The following UBE2K variants were observed in gnomAD, a reference collection of about 807,000 sequenced individuals.
UBE2K encodes ubiquitin-conjugating enzyme E2 K.
Under a neutral mutation model 30.0 loss-of-function variants are expected in UBE2K, and 6 were observed. The ratio of observed to expected loss-of-function variants is 0.20; its 90% confidence interval spans 0.11 to 0.39. The LOEUF (loss-of-function observed/expected upper bound fraction) is 0.39, where lower values mean the gene tolerates loss of function less well. Ranked by LOEUF, UBE2K falls within the 10% of genes least tolerant of loss-of-function variation. The pLI is 1.00. For missense variants in UBE2K, 61 were observed against 241.6 expected (o/e 0.25, Z 4.96); for synonymous variants, 86 against 83.7 (o/e 1.03, Z -0.15).
chr4:39,704,842 T>G (rs1718241911), intron 1 of UBE2K, among the ~76,000 whole-genome samples: 1 of 150,402 alleles, frequency 6.6e-6, no homozygotes, highest in Non-Finnish European at 1.5e-5. Flanking sequence ...ATGCTTGGCC[T>G]GTCACCCCTT....
chr4:39,728,529 TGTAGTGTCAGTGATATCAGACTATCCAA>T (rs1719879058), intron 1 of UBE2K, among the ~76,000 whole-genome samples: 1 of 152,252 alleles, frequency 6.6e-6, no homozygotes, highest in Non-Finnish European at 1.5e-5. Flanking sequence ...ATATTATTCC[TGTAGTGTCAGTGATATCAGACTATCCAA>T]ATATCTTTTT....
At chr4:39,724,368 G>A (rs1195291989) in intron 1 of UBE2K, among the ~76,000 whole-genome samples, 1 of 151,894 alleles carries the variant, frequency 6.6e-6, no homozygotes, top group Non-Finnish European at 1.5e-5. Context: ...GCTTCCCAAA[G>A]TGCTGGGATT....
intron 4 of UBE2K, chr4:39,770,318 A>T (rs1252053034): frequency 1.4e-5 from 23 of 1,613,006 alleles, no homozygotes; most frequent in Non-Finnish European, 2.0e-5. Context: ...TGACACCACG[A>T]TGCACGTTCC....
intron 4 of UBE2K, chr4:39,770,799 G>T: frequency 6.4e-7 from 1 of 1,564,270 alleles, no homozygotes; most frequent in Non-Finnish European, 8.6e-7. Flanking sequence ...GTCCAGGGCC[G>T]ACTCCACCTT....
At chr4:39,722,261 T>C (rs139684055) in intron 1 of UBE2K, among the ~76,000 whole-genome samples, 4 of 152,330 alleles carry the variant, frequency 2.6e-5, no homozygotes, top group Non-Finnish European at 4.4e-5. Context: ...AAAATCCTGA[T>C]GTCTGTGATT....
chr4:39,770,450 C>T (rs1578504226), intron 4 of UBE2K: 2 of 1,611,812 alleles, frequency 1.2e-6, no homozygotes, highest in East Asian at 2.2e-5. Context: ...CTTCCGGGCA[C>T]TTGGTGCACT....
At chr4:39,748,496 C>T (rs1200736115) in intron 3 of UBE2K, among the ~76,000 whole-genome samples, 1 of 152,086 alleles carries the variant, frequency 6.6e-6, no homozygotes, top group Non-Finnish European at 1.5e-5. Context: ...CCACTGTTAC[C>T]TGGCCAGGCA....
chr4:39,707,801 T>C (rs1718451162), intron 1 of UBE2K, among the ~76,000 whole-genome samples: 1 of 152,094 alleles, frequency 6.6e-6, no homozygotes, highest in Admixed American at 6.5e-5. Flanking sequence ...ATTATAGGCA[T>C]GAGCCACCTC....
At chr4:39,773,500 A>G (rs1713063694) in intron 4 of UBE2K, among the ~76,000 whole-genome samples, 1 of 151,944 alleles carries the variant, frequency 6.6e-6, no homozygotes, top group African/African-American at 2.4e-5. Flanking sequence ...AAGAAAATAT[A>G]TTTGTTTCAT....
At chr4:39,768,840 A>G (rs9884353) in intron 4 of UBE2K, among the ~76,000 whole-genome samples, 54 of 152,158 alleles carry the variant, frequency 3.5e-4, no homozygotes, top group African/African-American at 1.3e-3. Flanking sequence ...GTGCTAGGTG[A>G]TATCTCATTT....
chr4:39,782,065 C>G lies in UBE2K; in HGVS notation c.*3631C>G. On this transcript the variant is annotated 3_prime_UTR_variant, in exon 7 of 7. Transcript: ENST00000261427. Reference sequence around the variant, plus strand: ...CATAGGGGTAGGGGAGTGTTAGTATCTCCCTTGTCCCATTTGTTCTGTTAC... The same window carrying G: ...CATAGGGGTAGGGGAGTGTTAGTATGTCCCTTGTCCCATTTGTTCTGTTAC... 2.5e-6 allele frequency: 1 copy of G among 397,618 alleles called. No homozygotes were observed. Among genetic ancestry groups the G allele is most frequent in the Non-Finnish European group, 4.4e-6 (1 of 225,408 alleles). The allele number at this position is 397,618 out of a possible 1,614,324, so 24.6% of individuals were successfully genotyped here.
intron 2 of UBE2K, among the ~76,000 whole-genome samples, chr4:39,740,405 G>A (rs536220883): frequency 6.6e-6 from 1 of 152,170 alleles, no homozygotes; most frequent in East Asian, 1.9e-4. Context: ...AGCCGGGCGA[G>A]GTGGTGGGCG....
At chr4:39,714,550 A>ATATATTTTTTTTTTTTTTTTTTTT in intron 1 of UBE2K, 1 of 17,854 alleles carries the variant, frequency 5.6e-5, no homozygotes, top group African/African-American at 2.5e-4. Flanking sequence ...ATATATATAT[A>ATATATTTTTTTTTTTTTTTTTTTT]TTTTTTTTTT....
chr4:39,780,853 A>G lies in UBE2K; in HGVS notation c.*2419A>G, dbSNP rs1192304265. 6.6e-6 allele frequency: 1 copy of G among 152,082 alleles called. No individual in the cohort carries two copies. The highest frequency in any genetic ancestry group is 1.5e-5 in the Non-Finnish European group (1 of 67,972). The allele number at this position is 152,082 out of a possible 1,614,324, so 9.4% of individuals were successfully genotyped here. A position where few individuals can be genotyped will look rare whatever the true frequency, so the allele number is the denominator to read the frequency against. ...GACACTAAAAGGTCAGGCCTAGGGG[A>G]AAAGTACCCTGGTGGAAATTATTTT... On this transcript the variant is annotated 3_prime_UTR_variant, in exon 7 of 7. Transcript: ENST00000261427.
rs1008489347 is a variant in UBE2K at position 39,770,848 on chromosome 4, C to G, written c.300-3986C>G. The G allele has an allele frequency of 5.9e-5, 91 of 1,539,762 alleles. No homozygotes were observed. The Admixed American group carries it at 1.9e-3, about 31-fold the overall frequency. On this transcript the variant is annotated intron_variant, in intron 4 of 6. Coordinates refer to ENST00000261427, the MANE Select transcript of UBE2K (RefSeq NM_005339.5). ...TCAGATACGTCCTCATCCTCATCCT[C>G]TTCCTCGGCTTTCAGCTCCAAGTCC...
chr4:39,773,922 A>G (rs1713110425), intron 4 of UBE2K, among the ~76,000 whole-genome samples: 1 of 151,736 alleles, frequency 6.6e-6, no homozygotes, highest in African/African-American at 2.4e-5. Flanking sequence ...CTCCGCCTCA[A>G]AACTAAACTA....
chr4:39,757,006 TTTTTGTTTTTTGTTTTTTGTTTTTTG>T (rs1223825942), intron 4 of UBE2K, among the ~76,000 whole-genome samples: 9 of 115,630 alleles, frequency 7.8e-5, no homozygotes, highest in African/African-American at 1.4e-4. Context: ...GGGTGTTTTT[TTTTTGTTTTTTGTTTTTTGTTTTTTG>T]TTTTTTTTTT....
chr4:39,744,681 T>C (rs1720888189), intron 2 of UBE2K, among the ~76,000 whole-genome samples: 1 of 150,392 alleles, frequency 6.6e-6, no homozygotes, highest in African/African-American at 2.4e-5. Flanking sequence ...TTGAGGCAGG[T>C]GGATCACGAG....
intron 1 of UBE2K, 27 bp downstream of exon 1, chr4:39,698,417 C>A: frequency 6.3e-7 from 1 of 1,598,104 alleles, no homozygotes; most frequent in Non-Finnish European, 8.5e-7. Context: ...CGGATATCCC[C>A]CACCTCTGCC....
Sources: allele counts gnomAD v4.1 joint callset (sites outside exome capture counted in the v4.1 genomes callset), GRCh38; gene constraint gnomAD v4.1.1; transcripts MANE v1.5; gene names NCBI Gene and HGNC (gene_info 2026-07-23, HGNC 2026-07-21).